Variants in DNAJC10 observed in about 807,000 individuals in gnomAD.
DNAJC10 encodes endoplasmic reticulum disulfide reductase DNAJC10.
Under a neutral mutation model 115.0 loss-of-function variants are expected in DNAJC10, and 101 were observed. That is an observed-to-expected ratio of 0.88 (90% CI 0.75 to 1.04). DNAJC10 has a LOEUF of 1.04. Ranked by LOEUF, DNAJC10 falls within the 50% of genes least tolerant of loss-of-function variation. The probability of loss-of-function intolerance (pLI) is 0.00; values close to 1 mark genes in which losing one functional copy is unlikely to be tolerated. For missense variants in DNAJC10, 981 were observed against 928.8 expected (o/e 1.06, Z -0.73); for synonymous variants, 307 against 301.5 (o/e 1.02, Z -0.19).
intron 15 of DNAJC10, 108 bp from the exon 16 acceptor site, chr2:182,751,964 G>T: frequency 8.3e-7 from 1 of 1,202,248 alleles, no homozygotes; most frequent in Non-Finnish European, 1.2e-6. Context: ...GGGAAGGTTT[G>T]CCGCTAAGTA....
intron 5 of DNAJC10, among the ~76,000 whole-genome samples, chr2:182,724,653 A>G (rs1174871513): frequency 2.0e-5 from 3 of 151,766 alleles, no homozygotes; most frequent in African/African-American, 7.3e-5. Flanking sequence ...AAGTAATTAC[A>G]TTTTACTTTG....
rs1694873451 is a variant in DNAJC10 at position 182,782,573 on chromosome 2, G to GT, written c.*5444dup. On this transcript the variant is annotated 3_prime_UTR_variant, in exon 24 of 24. Coordinates refer to ENST00000264065, the MANE Select transcript of DNAJC10 (RefSeq NM_018981.4). Reference sequence around the variant, plus strand: ...TGAGCATGGAATGCTTTTTCCATTTGTTTCTGTCCTCTCTCATTTCCTTGA... The same window carrying GT: ...TGAGCATGGAATGCTTTTTCCATTTGTTTTCTGTCCTCTCTCATTTCCTTGA... 6.6e-6 allele frequency: 1 copy of GT among 152,046 alleles called. No individual in the cohort carries two copies. Among genetic ancestry groups the GT allele is most frequent in the African/African-American group, 2.4e-5 (1 of 41,414 alleles). The allele number at this position is 152,046 out of a possible 1,614,324, so 9.4% of individuals were successfully genotyped here. A position where few individuals can be genotyped will look rare whatever the true frequency, so the allele number is the denominator to read the frequency against.
chr2:182,742,518 GTTTTCTT>G (rs1693761571), intron 13 of DNAJC10, among the ~76,000 whole-genome samples: 3 of 152,110 alleles, frequency 2.0e-5, no homozygotes, highest in Non-Finnish European at 4.4e-5. Context: ...TCAAGGTTAT[GTTTTCTT>G]AAATGGTTTT....
intron 22 of DNAJC10, among the ~76,000 whole-genome samples, chr2:182,774,260 C>T (rs1694645103): frequency 6.6e-6 from 1 of 152,180 alleles, no homozygotes; most frequent in South Asian, 2.1e-4. Flanking sequence ...AGGTGTCTGT[C>T]GGCCCCTACT....
intron 11 of DNAJC10, 49 bp from the exon 12 acceptor site, chr2:182,740,250 A>G: frequency 7.9e-7 from 1 of 1,258,904 alleles, no homozygotes; most frequent in Non-Finnish European, 1.1e-6. Context: ...GATATCAAAT[A>G]TAATGAATAT....
In DNAJC10 at chr2:182,778,268, A is replaced by C. The variant is rs180696166; in HGVS notation, c.*1136A>C. 6.6e-6 allele frequency: 1 copy of C among 152,286 alleles called. No individual in the cohort carries two copies. The highest frequency in any genetic ancestry group is 6.5e-5 in the Admixed American group (1 of 15,288). 9.4% of individuals were successfully genotyped at this position (152,286 alleles called of 1,614,324 possible). ...CTGTAGTTATTCCAGTTACTAGTTT[A>C]CTGTCAGAGGGCTGCCTTTTTCAGA... On this transcript the variant is annotated 3_prime_UTR_variant, in exon 24 of 24. Transcript: ENST00000264065.
At chr2:182,752,538 A>G in intron 16 of DNAJC10, 2 of 876,210 alleles carry the variant, frequency 2.3e-6, no homozygotes, top group Non-Finnish European at 1.4e-6. Context: ...GGCTTTCTTC[A>G]TACTTCTAAG....
Position 182,782,747 on chromosome 2 carries a change from T to C in DNAJC10, c.*5615T>C, listed in dbSNP as rs1326999638. 1 of 152,228 alleles carries C rather than the reference T, an allele frequency of 6.6e-6. No homozygotes were observed. Among genetic ancestry groups the C allele is most frequent in the East Asian group, 1.9e-4 (1 of 5,196 alleles). The allele number at this position is 152,228 out of a possible 1,614,324, so 9.4% of individuals were successfully genotyped here. A position where few individuals can be genotyped will look rare whatever the true frequency, so the allele number is the denominator to read the frequency against. On this transcript the variant is annotated 3_prime_UTR_variant, in exon 24 of 24. Transcript: ENST00000264065. ...AATTATTGGTGTATAGGAATGCTTG[T>C]GATTTTTGCACATTAATTTTGTATC...
intron 11 of DNAJC10, among the ~76,000 whole-genome samples, chr2:182,738,495 T>A (rs917430058): frequency 6.6e-6 from 1 of 151,448 alleles, no homozygotes; most frequent in Admixed American, 6.6e-5. Flanking sequence ...TAACAGGGAG[T>A]GGTGAATTAA....
intron 11 of DNAJC10, among the ~76,000 whole-genome samples, chr2:182,737,410 G>A (rs920532870): frequency 1.3e-5 from 2 of 152,144 alleles, no homozygotes; most frequent in Non-Finnish European, 2.9e-5. Context: ...TGTAAAAGAA[G>A]ATGCAAAATT....
Position 182,755,029 on chromosome 2 carries a change from A to G in DNAJC10, c.1578A>G (p.Thr526=). Residue 526 remains threonine, a synonymous_variant, in exon 17 of 24, where the codon ACA becomes ACG. Transcript: ENST00000264065. ...NMYNIQAYPT[T]VVFNQSNIHE... is the part of the protein sequence containing the mutation. The stretch of plus-strand genomic sequence containing the variant: ...ATAACATTCAGGCTTATCCAACAAC[A>G]GTGGTATTCAACCAGTCCAACATTC... The G allele has an allele frequency of 6.2e-7, 1 of 1,606,692 alleles. No homozygotes were observed. The highest frequency in any genetic ancestry group is 8.5e-7 in the Non-Finnish European group (1 of 1,173,390).
rs761171008 is a variant in DNAJC10 at position 182,777,165 on chromosome 2, A to G, written c.*33A>G. 6.8e-6 allele frequency: 9 copies of G among 1,328,778 alleles called. No homozygotes were observed. Among genetic ancestry groups the G allele is most frequent in the Non-Finnish European group, 9.2e-6 (9 of 979,748 alleles). The allele number at this position is 1,328,778 out of a possible 1,614,324, so 82.3% of individuals were successfully genotyped here. ...GAAGATGAAGAAAAAGTTTAAAAGA[A>G]ATTCTGACAGATGACATCAGAAGAC... On this transcript the variant is annotated 3_prime_UTR_variant, in exon 24 of 24. Coordinates refer to ENST00000264065, the MANE Select transcript of DNAJC10 (RefSeq NM_018981.4).
At chr2:182,723,419 TACTTTGTTA>T (rs1693205311) in intron 5 of DNAJC10, among the ~76,000 whole-genome samples, 4 of 152,216 alleles carry the variant, frequency 2.6e-5, no homozygotes. Context: ...TTCAATGTGT[TACTTTGTTA>T]AAAGCCTTCT....
intron 21 of DNAJC10, 47 bp downstream of exon 21, chr2:182,759,354 AGTAATT>A (rs1694236312): frequency 6.5e-7 from 1 of 1,546,624 alleles, no homozygotes; most frequent in East Asian, 2.3e-5. Context: ...TTCATGTTTT[AGTAATT>A]AGATAAAACA....
At chr2:182,732,040 T>C (rs1018955096) in intron 9 of DNAJC10, among the ~76,000 whole-genome samples, 2 of 152,152 alleles carry the variant, frequency 1.3e-5, no homozygotes, top group Non-Finnish European at 2.9e-5. Flanking sequence ...TCTCTCATTG[T>C]ATTCTAGTGT....
intron 16 of DNAJC10, among the ~76,000 whole-genome samples, chr2:182,753,330 G>T (rs937568375): frequency 6.6e-6 from 1 of 151,610 alleles, no homozygotes; most frequent in Non-Finnish European, 1.5e-5. Context: ...AAAGATAAAG[G>T]GAAAAAAGAA....
chr2:182,718,133 G>T lies in DNAJC10; in HGVS notation c.47G>T (p.Arg16Met), dbSNP rs772544929. 3 of 1,612,652 alleles carry T rather than the reference G, an allele frequency of 1.9e-6. No homozygotes were observed. The South Asian group carries it at 3.3e-5, about 18-fold the overall frequency. The change falls in exon 3 of 24, where the codon AGG becomes ATG. Residue 16 changes from arginine (R) to methionine (M), a missense_variant. Physicochemically the swap from Arg to Met is moderately conservative, Grantham distance 91 (BLOSUM62 -1). Coordinates refer to ENST00000264065, the MANE Select transcript of DNAJC10 (RefSeq NM_018981.4). Reference protein sequence around the residue: ...NKDDYIRDLKRIILCFLIVYM... With the variant: ...NKDDYIRDLKMIILCFLIVYM... ...GATGACTATATCAGAGACTTGAAAAGGATCATTCTCTGTTTTCTGATAGTG... is the reference window on the plus strand; with the variant it reads ...GATGACTATATCAGAGACTTGAAAATGATCATTCTCTGTTTTCTGATAGTG...
chr2:182,727,482 A>G lies in DNAJC10; in HGVS notation c.419-1094A>G, dbSNP rs113671185. Among the ~76,000 whole-genome samples the G allele has an allele frequency of 7.2e-5, 11 of 152,042 alleles. 1 individual carries two copies. Among genetic ancestry groups the G allele is most frequent in the African/African-American group, 2.7e-4 (11 of 41,388 alleles). On this transcript the variant is annotated intron_variant, in intron 5 of 23. Transcript: ENST00000264065. ...GTTTGTGGTCTAAACCAATATGGCA[A>G]TTTTTTCGACCACCTCTATAGAATG...
At chr2:182,747,648 CTAGATAT>C (rs1323199002) in intron 14 of DNAJC10, among the ~76,000 whole-genome samples, 42 of 152,024 alleles carry the variant, frequency 2.8e-4, no homozygotes, top group Non-Finnish European at 1.2e-4. Context: ...ATGTGGTTTT[CTAGATAT>C]ACAATCATGT....
Sources: allele counts gnomAD v4.1 joint callset (sites outside exome capture counted in the v4.1 genomes callset), GRCh38; gene constraint gnomAD v4.1.1; transcripts MANE v1.5; gene names NCBI Gene and HGNC (gene_info 2026-07-23, HGNC 2026-07-21).